ACACB: variants seen among roughly 807,000 people sequenced by gnomAD.
ACACB encodes acetyl-CoA carboxylase 2.
In ACACB, 209 loss-of-function variants were observed where a neutral mutation model predicts 278.8. The observed-to-expected ratio is 0.75, with a 90% confidence interval of 0.67 to 0.84. The LOEUF (loss-of-function observed/expected upper bound fraction) is 0.84. ACACB is among the 40% of genes least tolerant of loss of function. The pLI is 0.00. For missense variants in ACACB, 2,850 were observed against 3,269.0 expected (o/e 0.87, Z 3.13); for synonymous variants, 1,174 against 1,285.6 (o/e 0.91, Z 1.86).
chr12:109,265,092 A>G lies in ACACB; in HGVS notation c.6943-18A>G, dbSNP rs755507413. On this transcript the variant is annotated intron_variant, in intron 50 of 52. Transcript: ENST00000338432. ...TCCTCCTTCCCTTTCCGGGGATTCA[A>G]GCCTGGCTCGTCCACAGGACATCCT... 4 of 1,594,564 alleles carry G rather than the reference A, an allele frequency of 2.5e-6. No homozygotes were observed. Among genetic ancestry groups the G allele is most frequent in the Admixed American group, 1.7e-5 (1 of 58,358 alleles).
chr12:109,161,751 G>GTGTGGT (rs1555208802), intron 2 of ACACB, among the ~76,000 whole-genome samples: 2 of 146,356 alleles, frequency 1.4e-5, no homozygotes, highest in African/African-American at 2.6e-5. Flanking sequence ...GTGTGTGTGT[G>GTGTGGT]GTGTGTGTGT....
rs142393083 is a variant in ACACB at position 109,239,924 on chromosome 12, G to A, written c.4757G>A (p.Arg1586His). The A allele has an allele frequency of 9.3e-4, 1,502 of 1,614,154 alleles. 6 individuals carry two copies. Among genetic ancestry groups the A allele is most frequent in the East Asian group, 3.5e-3 (155 of 44,878 alleles). Reference sequence around the variant, plus strand: ...GTGGCGTTCAATAACACCAGCGTGCGCACCGACTGCAACCACATCTTCCTC... The same window carrying A: ...GTGGCGTTCAATAACACCAGCGTGCACACCGACTGCAACCACATCTTCCTC... Reference protein sequence around the residue: ...LEVAFNNTSVRTDCNHIFLNF... With the variant: ...LEVAFNNTSVHTDCNHIFLNF... The change falls in exon 35 of 53, where the codon CGC (arginine) becomes CAC (histidine). Residue 1586 changes from arginine to histidine, a missense_variant. Physicochemically the swap from Arg to His is conservative, Grantham distance 29 (BLOSUM62 0). Transcript: ENST00000338432.
intron 22 of ACACB, among the ~76,000 whole-genome samples, chr12:109,214,778 G>T (rs1464209895): frequency 6.6e-6 from 1 of 152,122 alleles, no homozygotes; most frequent in Non-Finnish European, 1.5e-5. Flanking sequence ...CAGATTTTTG[G>T]AAGAACATCC....
At chr12:109,215,058 T>C (rs1486191344) in intron 22 of ACACB, among the ~76,000 whole-genome samples, 1 of 150,568 alleles carries the variant, frequency 6.6e-6, no homozygotes, top group Non-Finnish European at 1.5e-5. Context: ...ATTGCACCAC[T>C]GCACTCCAGC....
intron 19 of ACACB, 48 bp from the exon 20 acceptor site, chr12:109,206,662 G>T: frequency 6.2e-7 from 1 of 1,608,718 alleles, no homozygotes; most frequent in South Asian, 1.1e-5. Flanking sequence ...GTCCCATTTG[G>T]AATTCCCAGA....
At chr12:109,155,891 C>T (rs2043518241) in intron 2 of ACACB, among the ~76,000 whole-genome samples, 1 of 152,136 alleles carries the variant, frequency 6.6e-6, no homozygotes, top group Non-Finnish European at 1.5e-5. Context: ...TGATTTATGC[C>T]TAGTTCATGG....
At chr12:109,261,639 G>C (rs1342398893) in intron 48 of ACACB, among the ~76,000 whole-genome samples, 1 of 152,030 alleles carries the variant, frequency 6.6e-6, no homozygotes, top group Non-Finnish European at 1.5e-5. Flanking sequence ...GGGAGGCTAA[G>C]GGGGGCAGAT....
At chr12:109,167,839 T>C (rs1290294377) in intron 3 of ACACB, 57 bp from the exon 4 acceptor site, 3 of 1,612,184 alleles carry the variant, frequency 1.9e-6, no homozygotes, top group Non-Finnish European at 2.5e-6. Context: ...GGGTAGCACG[T>C]GGCCCCCAGC....
rs112322919 is a variant in ACACB at position 109,261,941 on chromosome 12, A to G, written c.6675-416A>G. Among the ~76,000 whole-genome samples, 518 of 152,012 alleles carry G rather than the reference A, an allele frequency of 3.4e-3. 5 individuals carry two copies. Among genetic ancestry groups the G allele is most frequent in the African/African-American group, 0.012 (502 of 41,468 alleles). On this transcript the variant is annotated intron_variant, in intron 48 of 52. Coordinates refer to ENST00000338432, the MANE Select transcript of ACACB (RefSeq NM_001093.4). ...TTGGAAATGGGAGGACAGCTCACAC[A>G]AGACTACACTGGGCTCTCAAGGTGC... is the stretch of plus-strand genomic sequence containing the variant.
At chr12:109,214,241 A>G (rs902836176) in intron 22 of ACACB, among the ~76,000 whole-genome samples, 1 of 152,080 alleles carries the variant, frequency 6.6e-6, no homozygotes, top group African/African-American at 2.4e-5. Flanking sequence ...CAGCCTGGGG[A>G]CAGAGCAAGA....
intron 2 of ACACB, among the ~76,000 whole-genome samples, chr12:109,145,788 C>T (rs1230811669): frequency 6.6e-6 from 1 of 151,360 alleles, no homozygotes; most frequent in Non-Finnish European, 1.5e-5. Context: ...ATCACAAGGT[C>T]AGGAGTTTGA....
intron 21 of ACACB, among the ~76,000 whole-genome samples, chr12:109,212,004 T>C (rs1194846743): frequency 2.0e-5 from 3 of 152,202 alleles, no homozygotes; most frequent in Non-Finnish European, 4.4e-5. Context: ...CCCTGGTTTT[T>C]GCTAGAGTGG....
intron 11 of ACACB, among the ~76,000 whole-genome samples, chr12:109,181,667 A>G (rs976565412): frequency 1.3e-5 from 2 of 152,070 alleles, no homozygotes; most frequent in Non-Finnish European, 2.9e-5. Context: ...TTTTGAGTAT[A>G]TATTTAGCAG....
Position 109,193,685 on chromosome 12 carries a change from G to A in ACACB, c.2437G>A (p.Val813Ile), listed in dbSNP as rs367805487. 1.1e-4 allele frequency: 178 copies of A among 1,613,836 alleles called. No homozygotes were observed. The highest frequency in any genetic ancestry group is 1.6e-4 in the Middle Eastern group (1 of 6,080). ...VLPADSLLNL[V>I]DVELIYGGVK... ...CCCAGCGGATTCACTACTGAACCTC[G>A]TAGATGTGGAATTAATTTACGGAGG... is the stretch of plus-strand genomic sequence containing the variant. The change falls in exon 16 of 53, where the codon GTA becomes ATA. Residue 813 changes from valine to isoleucine, a missense_variant. Transcript: ENST00000338432.
intron 2 of ACACB, among the ~76,000 whole-genome samples, chr12:109,166,594 G>A (rs1051867761): frequency 6.7e-5 from 9 of 133,946 alleles, no homozygotes; most frequent in African/African-American, 2.2e-4. Context: ...AGGCTGCAGC[G>A]AGCCACGATT....
intron 18 of ACACB, among the ~76,000 whole-genome samples, chr12:109,201,111 A>T (rs1291787306): frequency 6.6e-6 from 1 of 152,242 alleles, no homozygotes. Context: ...CGGGAAAATT[A>T]AAAGGGCTGA....
intron 49 of ACACB, chr12:109,263,013 A>G (rs1441783534): frequency 7.4e-6 from 1 of 134,986 alleles, no homozygotes; most frequent in Non-Finnish European, 1.6e-5. Context: ...CTCAGCATAC[A>G]CAAAAGATAG....
chr12:109,226,360 A>G (rs963216571), intron 27 of ACACB, among the ~76,000 whole-genome samples: 13 of 152,264 alleles, frequency 8.5e-5, no homozygotes, highest in Middle Eastern at 3.4e-3. Context: ...TTGATAAACT[A>G]TAGACCATGG....
intron 34 of ACACB, among the ~76,000 whole-genome samples, chr12:109,238,845 G>A (rs931577113): frequency 2.6e-5 from 4 of 151,704 alleles, no homozygotes; most frequent in African/African-American, 4.8e-5. Flanking sequence ...GATTACAGGC[G>A]TGAGCCACCA....
Sources: gnomAD v4.1 joint callset for allele counts (sites outside exome capture counted in the v4.1 genomes callset) on GRCh38, gnomAD v4.1.1 for gene constraint, MANE v1.5 for transcripts, NCBI Gene and HGNC (gene_info 2026-07-23, HGNC 2026-07-21) for gene names.